The following SEMA3D variants were observed in gnomAD, a reference collection of about 807,000 sequenced individuals.
SEMA3D encodes semaphorin-3D.
A neutral mutation model predicts 100.1 loss-of-function variants in SEMA3D; 84 were observed. The ratio of observed to expected loss-of-function variants is 0.84; its 90% CI spans 0.70 to 1.01. SEMA3D has a LOEUF of 1.01. SEMA3D is among the 50% of genes least tolerant of loss of function. The probability of loss-of-function intolerance (pLI) is 0.00; values close to 1 mark genes in which losing one functional copy is unlikely to be tolerated. For synonymous variants in SEMA3D, 312 were observed against 320.7 expected (o/e 0.97, Z 0.29); for missense variants, 875 against 934.1 (o/e 0.94, Z 0.82).
intron 18 of SEMA3D, among the ~76,000 whole-genome samples, chr7:85,003,767 A>C (rs956973110): frequency 6.6e-6 from 1 of 152,110 alleles, no homozygotes; most frequent in Non-Finnish European, 1.5e-5. Flanking sequence ...AGGTAAGTTC[A>C]CATTCACTAA....
chr7:84,996,305 A>G lies in SEMA3D; in HGVS notation c.*3135T>C, dbSNP rs1789498006. On this transcript the variant is annotated 3_prime_UTR_variant, in exon 19 of 19. Coordinates refer to ENST00000284136, the MANE Select transcript of SEMA3D (RefSeq NM_001384900.1). ...AGGAACAAAACATACTAGAATATGAAGAACCAAAATATGAACCAAAAGCAA... is the reference window on the plus strand; with the variant it reads ...AGGAACAAAACATACTAGAATATGAGGAACCAAAATATGAACCAAAAGCAA... The G allele has an allele frequency of 6.6e-6, 1 of 152,036 alleles. No individual in the cohort carries two copies. Among genetic ancestry groups the G allele is most frequent in the African/African-American group, 2.4e-5 (1 of 41,448 alleles). 9.4% of individuals were successfully genotyped at this position (152,036 alleles called of 1,614,324 possible).
rs189107306 is a variant in SEMA3D, at chr7:85,011,712, A to T, written c.1768+1070T>A. On this transcript the variant is annotated intron_variant, in intron 17 of 18. Coordinates refer to ENST00000284136, the MANE Select transcript of SEMA3D (RefSeq NM_001384900.1). ...ATGATTGCTAACTAAAATAACGGACATCACAATGAATCACCTACACATTAG... is the reference window on the plus strand; with the variant it reads ...ATGATTGCTAACTAAAATAACGGACTTCACAATGAATCACCTACACATTAG... Among the ~76,000 whole-genome samples the T allele has an allele frequency of 2.0e-5, 3 of 151,952 alleles. No homozygotes were observed. In the East Asian group the frequency reaches 5.9e-4, roughly 30 times the overall value.
At chr7:85,158,806 A>G (rs1274631640) in intron 1 of SEMA3D, among the ~76,000 whole-genome samples, 1 of 151,972 alleles carries the variant, frequency 6.6e-6, no homozygotes, top group Non-Finnish European at 1.5e-5. Context: ...CTGTCCCTTT[A>G]TTTCTCAGAC....
At chr7:85,079,674 T>C (rs559281683) in intron 5 of SEMA3D, among the ~76,000 whole-genome samples, 1 of 152,218 alleles carries the variant, frequency 6.6e-6, no homozygotes, top group Non-Finnish European at 1.5e-5. Context: ...ACCTTGACTG[T>C]TTATCCCTGA....
intron 1 of SEMA3D, among the ~76,000 whole-genome samples, chr7:85,181,238 T>C (rs550626960): frequency 6.6e-6 from 1 of 151,746 alleles, no homozygotes; most frequent in South Asian, 2.1e-4. Context: ...CCAGACACCT[T>C]TGGAGAAATG....
intron 1 of SEMA3D, among the ~76,000 whole-genome samples, chr7:85,171,384 G>A (rs1791078051): frequency 6.6e-6 from 1 of 151,960 alleles, no homozygotes; most frequent in African/African-American, 2.4e-5. Flanking sequence ...AGTGAGAGGA[G>A]GAGAAAGCAA....
At chr7:85,049,594 A>C (rs1451731000) in intron 9 of SEMA3D, among the ~76,000 whole-genome samples, 2 of 151,858 alleles carry the variant, frequency 1.3e-5, no homozygotes, top group South Asian at 4.1e-4. Context: ...AAGCAAAAGC[A>C]CATCTGTAAC....
chr7:85,158,617 C>G (rs890879378), intron 1 of SEMA3D, among the ~76,000 whole-genome samples: 4 of 152,168 alleles, frequency 2.6e-5, no homozygotes, highest in Non-Finnish European at 5.9e-5. Context: ...CTTGTGATAT[C>G]TTATTACCTT....
chr7:85,209,575 T>C, the SEMA3D span, among the ~76,000 whole-genome samples: 1 of 152,018 alleles, frequency 6.6e-6, no homozygotes, highest in East Asian at 1.9e-4. Flanking sequence ...AAAAGAATTA[T>C]TATTCTTTAT....
chr7:85,039,425 T>G (rs541997454), intron 11 of SEMA3D, among the ~76,000 whole-genome samples: 2 of 152,138 alleles, frequency 1.3e-5, no homozygotes, highest in South Asian at 4.2e-4. Flanking sequence ...ACCTGGCTAA[T>G]TTTTTGTATT....
the SEMA3D span, among the ~76,000 whole-genome samples, chr7:85,241,983 A>G: frequency 1.3e-5 from 2 of 152,074 alleles, no homozygotes; most frequent in Non-Finnish European, 2.9e-5. Context: ...AAATTCATAC[A>G]ACCACTATGG....
chr7:85,083,508 T>G (rs950377891), intron 4 of SEMA3D, among the ~76,000 whole-genome samples: 2 of 152,180 alleles, frequency 1.3e-5, no homozygotes, highest in African/African-American at 4.8e-5. Context: ...TGTTCCTTTG[T>G]TATTCATCAT....
Position 85,093,270 on chromosome 7 carries a change from T to C in SEMA3D, c.312+4535A>G, listed in dbSNP as rs545623847. Among the ~76,000 whole-genome samples the C allele has an allele frequency of 5.9e-5, 9 of 152,166 alleles. No individual in the cohort carries two copies. The East Asian group carries it at 1.6e-3, about 26-fold the overall frequency. On this transcript the variant is annotated intron_variant, in intron 4 of 18. Transcript: ENST00000284136. Reference sequence around the variant, plus strand: ...GTGACTGATATCAGCAACTTATAGTTACCCTCCTTTCCTTGCAAGTTTGAG... The same window carrying C: ...GTGACTGATATCAGCAACTTATAGTCACCCTCCTTTCCTTGCAAGTTTGAG...
the SEMA3D span, among the ~76,000 whole-genome samples, chr7:85,215,262 T>C: frequency 1.2e-4 from 19 of 152,100 alleles, no homozygotes; most frequent in Non-Finnish European, 1.9e-4. Context: ...GCTTGAAAAG[T>C]AAATTTCATT....
intron 2 of SEMA3D, chr7:85,141,116 G>T (rs1790037836): frequency 2.0e-6 from 2 of 982,268 alleles, no homozygotes; most frequent in Non-Finnish European, 1.2e-6. Flanking sequence ...TTTCAAAACT[G>T]TTTTTATAGG....
intron 4 of SEMA3D, among the ~76,000 whole-genome samples, chr7:85,085,482 A>T (rs893936675): frequency 1.3e-5 from 2 of 152,322 alleles, no homozygotes; most frequent in South Asian, 2.1e-4. Flanking sequence ...CGTTTTTGAA[A>T]CCTAAATAAA....
Position 84,999,207 on chromosome 7 carries a change from A to C in SEMA3D, c.*233T>G, listed in dbSNP as rs1789582128. On this transcript the variant is annotated 3_prime_UTR_variant, in exon 19 of 19. Transcript: ENST00000284136. ...AAACATTTACAACTGTAAACCCCCT[A>C]TTTTTAGGATAATTCTTATACTTTG... 5.9e-6 allele frequency: 3 copies of C among 511,918 alleles called. No homozygotes were observed. In the South Asian group the frequency reaches 8.9e-5, roughly 15 times the overall value. The allele number at this position is 511,918 out of a possible 1,614,324, so 31.7% of individuals were successfully genotyped here.
chr7:85,096,065 T>C (rs1475882403), intron 4 of SEMA3D, among the ~76,000 whole-genome samples: 2 of 152,016 alleles, frequency 1.3e-5, no homozygotes, highest in African/African-American at 2.4e-5. Flanking sequence ...TTTGCTAGTA[T>C]GGTAAAACTG....
chr7:85,140,721 A>C (rs1790023247), intron 2 of SEMA3D: 1 of 979,694 alleles, frequency 1.0e-6, no homozygotes, highest in African/African-American at 1.8e-5. Context: ...TATTTAATAC[A>C]AGTTTCTTCT....
Sources: allele counts gnomAD v4.1 joint callset (sites outside exome capture counted in the v4.1 genomes callset), GRCh38; gene constraint gnomAD v4.1.1; transcripts MANE v1.5; gene names NCBI Gene and HGNC (gene_info 2026-07-23, HGNC 2026-07-21).